The following CYRIA variants were observed in gnomAD, a reference collection of about 807,000 sequenced individuals.
CYRIA encodes CYFIP-related Rac1 interactor A.
Under a neutral mutation model 43.9 loss-of-function variants are expected in CYRIA, and 15 were observed. The observed-to-expected ratio is 0.34, with a 90% CI of 0.23 to 0.53. The LOEUF is 0.53. Among genes scored for constraint, CYRIA ranks in the 20% least tolerant of loss-of-function variants. CYRIA has a pLI of 0.94. For missense variants in CYRIA, 236 were observed against 394.2 expected (o/e 0.60, Z 3.40); for synonymous variants, 117 against 136.0 (o/e 0.86, Z 0.97).
chr2:16,622,331 C>T lies in CYRIA; in HGVS notation c.-11+1533G>A, dbSNP rs143992168. On this transcript the variant is annotated intron_variant, in intron 2 of 11. Transcript: ENST00000381323. ...CTGGAGAGGCAATCTGGCTAAAGTCCGGGTGAGAAAAGGCTTCTATGGATG... is the reference window on the plus strand; with the variant it reads ...CTGGAGAGGCAATCTGGCTAAAGTCTGGGTGAGAAAAGGCTTCTATGGATG... Among the ~76,000 whole-genome samples the T allele has an allele frequency of 4.1e-3, 627 of 152,172 alleles. 2 individuals carry two copies. The highest frequency in any genetic ancestry group is 6.8e-3 in the Middle Eastern group (2 of 294).
rs115081399 is a variant in CYRIA at position 16,591,944 on chromosome 2, C to T, written c.-10-3815G>A. On this transcript the variant is annotated intron_variant, in intron 2 of 11. Transcript: ENST00000381323. ...CCCTTGGCATCTTCAGAAATCATTT[C>T]TAAGTTGAAGTCCTACTTATGTAGG... Among the ~76,000 whole-genome samples, 578 of 152,168 alleles carry T rather than the reference C, an allele frequency of 3.8e-3. 7 individuals are homozygous for T. Among genetic ancestry groups the T allele is most frequent in the African/African-American group, 0.013 (556 of 41,532 alleles).
intron 3 of CYRIA, among the ~76,000 whole-genome samples, chr2:16,584,498 A>G (rs1667657054): frequency 6.6e-6 from 1 of 152,102 alleles, no homozygotes; most frequent in East Asian, 1.9e-4. Context: ...TTTAAACATA[A>G]GCATGCCTAA....
rs796719286 is a variant in CYRIA at position 16,620,168 on chromosome 2, G to A, written c.-11+3696C>T. On this transcript the variant is annotated intron_variant, in intron 2 of 11. Coordinates refer to ENST00000381323, the MANE Select transcript of CYRIA (RefSeq NM_030797.4). Reference sequence around the variant, plus strand: ...CAGATATTACCTGTTTAATGAGTGCGTAATTTCTAAAAGAACACTCTGACT... The same window carrying A: ...CAGATATTACCTGTTTAATGAGTGCATAATTTCTAAAAGAACACTCTGACT... Among the ~76,000 whole-genome samples, 17 of 152,328 alleles carry A rather than the reference G, an allele frequency of 1.1e-4. 1 individual carries two copies. The highest frequency in any genetic ancestry group is 4.1e-4 in the African/African-American group (17 of 41,562).
intron 3 of CYRIA, among the ~76,000 whole-genome samples, chr2:16,576,198 G>A (rs1667341349): frequency 6.6e-6 from 1 of 152,142 alleles, no homozygotes; most frequent in Non-Finnish European, 1.5e-5. Flanking sequence ...AGGAGGGTGA[G>A]GACAGGATCA....
intron 3 of CYRIA, among the ~76,000 whole-genome samples, chr2:16,568,932 T>TA (rs774204147): frequency 2.0e-5 from 3 of 152,166 alleles, no homozygotes; most frequent in Admixed American, 1.3e-4. Flanking sequence ...AAATTTTTTT[T>TA]AAAAAAATCC....
intron 1 of CYRIA, among the ~76,000 whole-genome samples, chr2:16,662,187 A>G (rs1256112774): frequency 6.6e-6 from 1 of 152,170 alleles, no homozygotes; most frequent in Non-Finnish European, 1.5e-5. Context: ...AGCATGGGCA[A>G]TTTTTAACCT....
intron 2 of CYRIA, among the ~76,000 whole-genome samples, chr2:16,621,053 C>A (rs1466625852): frequency 6.6e-6 from 1 of 152,194 alleles, no homozygotes; most frequent in Non-Finnish European, 1.5e-5. Context: ...GTTGTCTAGC[C>A]ATTAGTGCGT....
chr2:16,657,435 G>T (rs1040484426), intron 1 of CYRIA, among the ~76,000 whole-genome samples: 1 of 149,712 alleles, frequency 6.7e-6, no homozygotes, highest in Non-Finnish European at 1.5e-5. Flanking sequence ...AAATGACTTT[G>T]TCCCAGTGAA....
intron 1 of CYRIA, among the ~76,000 whole-genome samples, chr2:16,626,533 C>T (rs1001128183): frequency 4.6e-5 from 7 of 152,126 alleles, no homozygotes; most frequent in African/African-American, 1.7e-4. Flanking sequence ...CAGCTAATGG[C>T]CTCCCAGGGA....
At chr2:16,621,225 G>A (rs1668983533) in intron 2 of CYRIA, among the ~76,000 whole-genome samples, 1 of 152,196 alleles carries the variant, frequency 6.6e-6, no homozygotes, top group Admixed American at 6.5e-5. Context: ...AGTCTATCAT[G>A]TAAGTAAATT....
chr2:16,601,829 A>G lies in CYRIA; in HGVS notation c.-10-13700T>C, dbSNP rs61142812. Among the ~76,000 whole-genome samples the G allele has an allele frequency of 4.7e-4, 71 of 152,324 alleles. No homozygotes were observed. The East Asian group carries it at 0.013, about 27-fold the overall frequency. ...GCATTAGCTGCACTCCCAGAGTATA[A>G]AACCAAATGAAATCAAGCAGGGTTT... On this transcript the variant is annotated intron_variant, in intron 2 of 11. Coordinates refer to ENST00000381323, the MANE Select transcript of CYRIA (RefSeq NM_030797.4).
chr2:16,578,013 C>A (rs1667411977), intron 3 of CYRIA, among the ~76,000 whole-genome samples: 1 of 152,204 alleles, frequency 6.6e-6, no homozygotes, highest in Non-Finnish European at 1.5e-5. Flanking sequence ...AAGTAAAGAA[C>A]AACTGTCTGC....
intron 1 of CYRIA, among the ~76,000 whole-genome samples, chr2:16,643,959 C>A (rs1239302838): frequency 6.6e-6 from 1 of 152,236 alleles, no homozygotes; most frequent in Admixed American, 6.5e-5. Flanking sequence ...TATCTGATGA[C>A]TGAAGATCAA....
rs1233312758 is a variant in CYRIA at position 16,550,560 on chromosome 2, T to C, written c.*2376A>G. 6.6e-6 allele frequency: 1 copy of C among 152,148 alleles called. No individual in the cohort carries two copies. The highest frequency in any genetic ancestry group is 1.9e-4 in the East Asian group (1 of 5,180). The allele number at this position is 152,148 out of a possible 1,614,324, so 9.4% of individuals were successfully genotyped here. On this transcript the variant is annotated 3_prime_UTR_variant, in exon 12 of 12. Transcript: ENST00000381323. ...GAGACAAGACAAGTCTTGGCTAAAT[T>C]GAGGCAGGACAGCAGCCCCTTCCAT...
At chr2:16,606,246 T>C (rs764228990) in intron 2 of CYRIA, among the ~76,000 whole-genome samples, 3 of 152,162 alleles carry the variant, frequency 2.0e-5, no homozygotes, top group Non-Finnish European at 4.4e-5. Context: ...CCCAGTGTCA[T>C]AACCAGAGCC....
rs556667799 is a variant in CYRIA at position 16,618,448 on chromosome 2, A to G, written c.-11+5416T>C. 3.9e-5 allele frequency among the ~76,000 whole-genome samples: 6 copies of G among 152,320 alleles called. No homozygotes were observed. In the East Asian group the frequency reaches 1.2e-3, roughly 29 times the overall value. On this transcript the variant is annotated intron_variant, in intron 2 of 11. Transcript: ENST00000381323. ...AGGAAGAAGAGAAGAACCCCAGGTC[A>G]TATGTCTTGTCCCCAGCCCAGCCCA...
At chr2:16,560,037 T>C (rs546800650) in intron 9 of CYRIA, among the ~76,000 whole-genome samples, 1 of 152,276 alleles carries the variant, frequency 6.6e-6, no homozygotes, top group East Asian at 1.9e-4. Context: ...TTGTATTGGA[T>C]TGGCAAAAAT....
intron 2 of CYRIA, among the ~76,000 whole-genome samples, chr2:16,610,400 T>C (rs1285543320): frequency 9.8e-5 from 15 of 152,342 alleles, no homozygotes. Context: ...GCTTAAGACA[T>C]GGCCTGTGGC....
At chr2:16,591,333 T>C (rs961564138) in intron 2 of CYRIA, among the ~76,000 whole-genome samples, 8 of 152,180 alleles carry the variant, frequency 5.3e-5, no homozygotes, top group African/African-American at 1.7e-4. Context: ...AGATGGCTTA[T>C]CGTCTGCTCC....
Sources: allele counts gnomAD v4.1 joint callset (sites outside exome capture counted in the v4.1 genomes callset), GRCh38; gene constraint gnomAD v4.1.1; transcripts MANE v1.5; gene names NCBI Gene and HGNC (gene_info 2026-07-23, HGNC 2026-07-21).